GLDC: variants seen among roughly 807,000 people sequenced by gnomAD.
GLDC encodes the protein glycine dehydrogenase (decarboxylating), mitochondrial.
GLDC carries 104 observed loss-of-function variants against 121.3 expected under a neutral mutation model. That is an observed-to-expected ratio of 0.86 (90% CI 0.73 to 1.01). The LOEUF is 1.01. Among genes scored for constraint, GLDC ranks in the 50% least tolerant of loss-of-function variants. The pLI, the probability that GLDC is intolerant of heterozygous loss-of-function variation, is 0.00. For missense variants in GLDC, 1,429 were observed against 1,306.6 expected, an observed-to-expected ratio of 1.09 and a Z score of -1.44; for synonymous variants, 546 against 480.6, an observed-to-expected ratio of 1.14 and a Z score of -1.78.
At chr9:6,611,353 C>T (rs188216970) in intron 3 of GLDC, among the ~76,000 whole-genome samples, 121 of 152,278 alleles carry the variant, frequency 7.9e-4, no homozygotes, top group African/African-American at 2.0e-3. Flanking sequence ...GTCAGGAGAT[C>T]GAGACCATCC....
intron 3 of GLDC, among the ~76,000 whole-genome samples, chr9:6,611,562 A>C (rs1818858541): frequency 6.6e-6 from 1 of 152,066 alleles, no homozygotes; most frequent in Non-Finnish European, 1.5e-5. Context: ...TCTCAAAAAA[A>C]AAAAAAAAAT....
intron 17 of GLDC, among the ~76,000 whole-genome samples, chr9:6,557,135 T>G (rs1432151900): frequency 1.3e-5 from 2 of 152,188 alleles, no homozygotes; most frequent in Non-Finnish European, 2.9e-5. Context: ...AATATATAAT[T>G]TTGAATAGTT....
intron 15 of GLDC, among the ~76,000 whole-genome samples, chr9:6,577,090 C>T (rs562977578): frequency 1.1e-4 from 16 of 152,242 alleles, no homozygotes; most frequent in African/African-American, 3.9e-4. Context: ...GCCTTCTGTG[C>T]GCATAACACA....
In GLDC at chr9:6,645,251, C is replaced by T. The variant is rs12341698; in HGVS notation, c.249G>A (p.Gly83=). The stretch of plus-strand genomic sequence containing the variant: ...GCCGGGTGGAGGTCCTTACCGCCAG[C>T]CCCAAGGTCTGCAGCATCTCTCTCT... The part of the protein sequence containing the change: ...KDQREMLQTL[G]LASIDELIEK... Residue 83 remains glycine (G), a synonymous_variant, in exon 1 of 25, where the codon GGG becomes GGA. Transcript: ENST00000321612. 351,977 of 1,593,952 alleles carry T rather than the reference C, an allele frequency of 0.22. 39,747 individuals carry two copies. The highest frequency in any genetic ancestry group is 0.32 in the South Asian group (28,466 of 88,840).
At chr9:6,589,550 C>T (rs1196121606) in intron 11 of GLDC, among the ~76,000 whole-genome samples, 2 of 152,232 alleles carry the variant, frequency 1.3e-5, no homozygotes, top group East Asian at 3.9e-4. Context: ...ACCTCAGTCT[C>T]CTGAGTAGCT....
chr9:6,562,084 T>A lies in GLDC; in HGVS notation c.1926+3270A>T, dbSNP rs560683566. 1.2e-3 allele frequency among the ~76,000 whole-genome samples: 177 copies of A among 152,380 alleles called. 2 individuals carry two copies. Among genetic ancestry groups the A allele is most frequent in the African/African-American group, 3.8e-3 (157 of 41,588 alleles). On this transcript the variant is annotated intron_variant, in intron 16 of 24. Coordinates refer to ENST00000321612, the MANE Select transcript of GLDC (RefSeq NM_000170.3). Reference sequence around the variant, plus strand: ...CCTAATTGTTTTTCTTTAGAGTTTTTATTTTTTCGTAAGATCTGGAGGTCT... The same window carrying A: ...CCTAATTGTTTTTCTTTAGAGTTTTAATTTTTTCGTAAGATCTGGAGGTCT...
chr9:6,544,507 A>G (rs1313402224), intron 21 of GLDC, among the ~76,000 whole-genome samples: 13 of 152,116 alleles, frequency 8.5e-5, no homozygotes, highest in Admixed American at 8.5e-4. Context: ...AGCCGAGTGC[A>G]GTGGCGGGCA....
chr9:6,567,194 C>T (rs958337022), intron 15 of GLDC: 4 of 152,134 alleles, frequency 2.6e-5, no homozygotes, highest in African/African-American at 9.7e-5. Context: ...TGAGTCACCC[C>T]GTTCCTCGTC....
At chr9:6,561,667 T>C (rs1182609401) in intron 16 of GLDC, among the ~76,000 whole-genome samples, 3 of 152,048 alleles carry the variant, frequency 2.0e-5, no homozygotes, top group Non-Finnish European at 2.9e-5. Context: ...AAAATTGTAT[T>C]GTTGTGAGGG....
intron 9 of GLDC, among the ~76,000 whole-genome samples, chr9:6,594,284 T>C (rs1342162607): frequency 4.6e-5 from 7 of 152,214 alleles, no homozygotes; most frequent in African/African-American, 9.6e-5. Context: ...TTAATGTCTT[T>C]TGCCTATTTT....
chr9:6,633,958 T>C (rs2129993550), intron 2 of GLDC, among the ~76,000 whole-genome samples: 1 of 148,818 alleles, frequency 6.7e-6, no homozygotes, highest in East Asian at 2.1e-4. Context: ...GCCTCCCGAG[T>C]AGCTGGGACT....
intron 20 of GLDC, among the ~76,000 whole-genome samples, chr9:6,552,224 C>T (rs945000529): frequency 6.6e-6 from 1 of 152,130 alleles, no homozygotes; most frequent in Admixed American, 6.5e-5. Flanking sequence ...GCAGCTTAAA[C>T]CCTACTTTAT....
intron 8 of GLDC, 38 bp downstream of exon 8, chr9:6,602,071 G>C (rs780030331): frequency 1.7e-6 from 2 of 1,171,850 alleles, no homozygotes; most frequent in Non-Finnish European, 2.6e-6. Context: ...TCTGTGTATC[G>C]TAAGGCATTC....
chr9:6,574,923 A>G (rs561433096), intron 15 of GLDC, among the ~76,000 whole-genome samples: 1 of 152,084 alleles, frequency 6.6e-6, no homozygotes, highest in Non-Finnish European at 1.5e-5. Flanking sequence ...ATTATTTGTG[A>G]TATGCATATG....
At chr9:6,644,846 A>C (rs1819707194) in intron 1 of GLDC, 154 bp from the exon 2 acceptor site, 2 of 674,064 alleles carry the variant, frequency 3.0e-6, no homozygotes, top group African/African-American at 3.6e-5. Context: ...AGCCAGAATG[A>C]TTTGGAGGAA....
In GLDC at chr9:6,540,035, G is replaced by A; in HGVS notation, c.2665+16C>T. ...AGCCAGCATGGGCGGCGGCATGAAT[G>A]TCAAAAGCCACTTACCATAATCCTG... On this transcript the variant is annotated intron_variant, in intron 22 of 24. Coordinates refer to ENST00000321612, the MANE Select transcript of GLDC (RefSeq NM_000170.3). 1 of 1,553,334 alleles carries A rather than the reference G, an allele frequency of 6.4e-7. No homozygotes were observed. Among genetic ancestry groups the A allele is most frequent in the Non-Finnish European group, 8.9e-7 (1 of 1,125,362 alleles).
intron 21 of GLDC, among the ~76,000 whole-genome samples, chr9:6,546,741 C>T (rs1372609376): frequency 6.6e-6 from 1 of 151,808 alleles, no homozygotes; most frequent in Admixed American, 6.6e-5. Context: ...GTGGGAGGAT[C>T]ACCTGAGGTC....
At chr9:6,598,285 C>A (rs1003837456) in intron 8 of GLDC, among the ~76,000 whole-genome samples, 1 of 152,182 alleles carries the variant, frequency 6.6e-6, no homozygotes, top group Non-Finnish European at 1.5e-5. Context: ...CCTGCCTTGG[C>A]CTCCTAAAGT....
chr9:6,621,162 C>T (rs1388874270), intron 2 of GLDC, among the ~76,000 whole-genome samples: 1 of 151,954 alleles, frequency 6.6e-6, no homozygotes, highest in Non-Finnish European at 1.5e-5. Context: ...AGAGTGAGAC[C>T]CCCATCTCAA....
Sources: gnomAD v4.1 joint callset for allele counts (sites outside exome capture counted in the v4.1 genomes callset) on GRCh38, gnomAD v4.1.1 for gene constraint, MANE v1.5 for transcripts, NCBI Gene and HGNC (gene_info 2026-07-23, HGNC 2026-07-21) for gene names.